The following MGAT5 variants were observed in gnomAD, a reference collection of about 807,000 sequenced individuals.
MGAT5 encodes alpha-1,6-mannosylglycoprotein 6-beta-N-acetylglucosaminyltransferase A.
MGAT5 carries 30 observed loss-of-function variants against 94.3 expected under a neutral mutation model. The observed-to-expected ratio is 0.32, with a 90% confidence interval of 0.24 to 0.43. The LOEUF is 0.43. MGAT5 is among the 20% of genes least tolerant of loss of function. The pLI, the probability that MGAT5 is intolerant of heterozygous loss-of-function variation, is 1.00. For missense variants in MGAT5, 691 were observed against 905.5 expected, an observed-to-expected ratio of 0.76 and a Z score of 3.04; for synonymous variants, 310 against 322.9, an observed-to-expected ratio of 0.96 and a Z score of 0.43.
intron 1 of MGAT5, among the ~76,000 whole-genome samples, chr2:134,263,754 A>T (rs1683483806): frequency 6.6e-6 from 1 of 152,150 alleles, no homozygotes; most frequent in Non-Finnish European, 1.5e-5. Context: ...ATGTATATAT[A>T]TTTAAAATAA....
rs529151742 is a variant in MGAT5 at position 134,158,328 on chromosome 2, C to T, written c.-143+38037C>T. 9.2e-5 allele frequency among the ~76,000 whole-genome samples: 14 copies of T among 152,354 alleles called. No individual in the cohort carries two copies. In the South Asian group the frequency reaches 2.7e-3, roughly 29 times the overall value. Reference sequence around the variant, plus strand: ...GGCCCATACCGAGCCACCCTCACCCCCTCTAAGCGCCCCCTTGGCTTCCCT... The same window carrying T: ...GGCCCATACCGAGCCACCCTCACCCTCTCTAAGCGCCCCCTTGGCTTCCCT... On this transcript the variant is annotated intron_variant, in intron 1 of 16. Transcript: ENST00000409645.
At chr2:134,401,158 C>A (rs1320036890) in intron 10 of MGAT5, among the ~76,000 whole-genome samples, 1 of 151,944 alleles carries the variant, frequency 6.6e-6, no homozygotes, top group African/African-American at 2.4e-5. Context: ...GCTCTTGGGT[C>A]CCTCTTATGA....
At chr2:134,447,421 T>C (rs1206513309) in intron 15 of MGAT5, among the ~76,000 whole-genome samples, 1 of 152,236 alleles carries the variant, frequency 6.6e-6, no homozygotes, top group Non-Finnish European at 1.5e-5. Context: ...CTTGACTCTG[T>C]CACATGCTGT....
chr2:134,166,831 G>A (rs911003267), intron 1 of MGAT5, among the ~76,000 whole-genome samples: 4 of 152,320 alleles, frequency 2.6e-5, no homozygotes, highest in Admixed American at 6.5e-5. Context: ...CTCAGGACCC[G>A]TAGAAAGCTT....
chr2:134,267,038 C>G (rs1254996529), intron 1 of MGAT5, among the ~76,000 whole-genome samples: 1 of 152,130 alleles, frequency 6.6e-6, no homozygotes, highest in Admixed American at 6.5e-5. Context: ...GATACTGGGT[C>G]GGGTGGACAG....
intron 2 of MGAT5, among the ~76,000 whole-genome samples, chr2:134,290,825 A>G (rs1283403667): frequency 2.0e-5 from 3 of 152,200 alleles, no homozygotes; most frequent in Non-Finnish European, 2.9e-5. Flanking sequence ...AAATTTACAA[A>G]GCATGGTGGA....
At chr2:134,156,935 G>C (rs1465433776) in intron 1 of MGAT5, among the ~76,000 whole-genome samples, 1 of 152,188 alleles carries the variant, frequency 6.6e-6, no homozygotes, top group Non-Finnish European at 1.5e-5. Context: ...CTTCTTGTCA[G>C]GGTTTCTCGT....
At chr2:134,428,319 T>C (rs755822503) in intron 13 of MGAT5, 46 bp from the exon 14 acceptor site, 5 of 1,571,192 alleles carry the variant, frequency 3.2e-6, no homozygotes, top group Non-Finnish European at 3.5e-6. Flanking sequence ...AGGTGCTACA[T>C]GTTCTCTGTC....
chr2:134,146,506 G>C (rs1294608245), intron 1 of MGAT5, among the ~76,000 whole-genome samples: 1 of 151,978 alleles, frequency 6.6e-6, no homozygotes, highest in Non-Finnish European at 1.5e-5. Context: ...GCTGCAGTGA[G>C]CTATGATAGC....
At chr2:134,357,738 T>C (rs1206496595) in intron 9 of MGAT5, among the ~76,000 whole-genome samples, 1 of 152,194 alleles carries the variant, frequency 6.6e-6, no homozygotes, top group Non-Finnish European at 1.5e-5. Flanking sequence ...AAATTGCTTT[T>C]TGACACTTGA....
intron 2 of MGAT5, among the ~76,000 whole-genome samples, chr2:134,294,134 G>C (rs1201640677): frequency 6.6e-6 from 1 of 152,178 alleles, no homozygotes; most frequent in African/African-American, 2.4e-5. Context: ...GGAGGAGAGA[G>C]AAGTTTTATT....
At chr2:134,420,716 G>C (rs12996617) in intron 12 of MGAT5, among the ~76,000 whole-genome samples, 15,355 of 152,124 alleles carry the variant, frequency 0.1, 1,084 homozygotes, top group African/African-American at 0.19. Flanking sequence ...CTCAGCACTG[G>C]CAAACCCAAT....
chr2:134,409,367 T>C (rs1683518479), intron 11 of MGAT5, among the ~76,000 whole-genome samples: 1 of 152,224 alleles, frequency 6.6e-6, no homozygotes, highest in Non-Finnish European at 1.5e-5. Flanking sequence ...AGATTATAAA[T>C]GGGCCTTAAC....
intron 9 of MGAT5, among the ~76,000 whole-genome samples, chr2:134,359,669 A>G (rs1454893398): frequency 1.3e-5 from 2 of 152,210 alleles, no homozygotes; most frequent in Non-Finnish European, 2.9e-5. Context: ...CCCTCCCAAC[A>G]CAATGAAAGT....
At chr2:134,228,844 A>G (rs1315967560) in intron 1 of MGAT5, among the ~76,000 whole-genome samples, 1 of 152,092 alleles carries the variant, frequency 6.6e-6, no homozygotes, top group East Asian at 1.9e-4. Context: ...CTTTTCTGCC[A>G]TCTAGTGAGT....
At chr2:134,323,439 CCCCAACAGATACTGTGGG>C (rs1302666930) in intron 4 of MGAT5, among the ~76,000 whole-genome samples, 3 of 152,100 alleles carry the variant, frequency 2.0e-5, no homozygotes, top group Non-Finnish European at 4.4e-5. Flanking sequence ...TGAAACCAGT[CCCCAACAGATACTGTGGG>C]TCAGCTATAC....
In MGAT5 at chr2:134,126,163, C is replaced by T. The variant is rs766193274; in HGVS notation, c.-143+5872C>T. On this transcript the variant is annotated intron_variant, in intron 1 of 16. Transcript: ENST00000409645. ...CCCATTGGACATAGCAGTGAGCACC[C>T]GTTTCCTTTCCTGCCCTCACCTGTT... 5.3e-5 allele frequency among the ~76,000 whole-genome samples: 8 copies of T among 152,228 alleles called. 1 individual carries two copies. The highest frequency in any genetic ancestry group is 3.9e-4 in the Admixed American group (6 of 15,288).
chr2:134,145,198 G>C (rs1015448035), intron 1 of MGAT5, among the ~76,000 whole-genome samples: 1 of 117,146 alleles, frequency 8.5e-6, no homozygotes, highest in Non-Finnish European at 1.7e-5. Flanking sequence ...AGTAAGGTGT[G>C]TGTGTGTCTC....
chr2:134,290,473 A>G (rs996598620), intron 2 of MGAT5, among the ~76,000 whole-genome samples: 1 of 152,210 alleles, frequency 6.6e-6, no homozygotes, highest in African/African-American at 2.4e-5. Context: ...TCTTTTCCAC[A>G]TGCAAACTTG....
Sources: gnomAD v4.1 joint callset for allele counts (sites outside exome capture counted in the v4.1 genomes callset) on GRCh38, gnomAD v4.1.1 for gene constraint, MANE v1.5 for transcripts, NCBI Gene and HGNC (gene_info 2026-07-23, HGNC 2026-07-21) for gene names.